The following MAST4 variants were observed in gnomAD, a reference collection of about 807,000 sequenced individuals.
MAST4 encodes the protein microtubule associated serine/threonine kinase family member 4.
In MAST4, 89 loss-of-function variants were observed where a neutral mutation model predicts 162.7. That is an observed-to-expected ratio of 0.55 (90% confidence interval 0.46 to 0.65). The LOEUF is 0.65. MAST4 is among the 30% of genes least tolerant of loss of function. MAST4 has a pLI of 0.00. For synonymous variants in MAST4, 1,479 were observed against 1,361.1 expected (o/e 1.09, Z -1.91); for missense variants, 3,153 against 3,374.0 (o/e 0.93, Z 1.62).
chr5:66,825,093 CT>C (rs1191723113), intron 3 of MAST4, among the ~76,000 whole-genome samples: 1 of 152,028 alleles, frequency 6.6e-6, no homozygotes, highest in Non-Finnish European at 1.5e-5. Context: ...TTACTGTAAC[CT>C]TTTTACTTTA....
intron 4 of MAST4, among the ~76,000 whole-genome samples, chr5:67,017,685 C>A (rs1753475085): frequency 6.7e-6 from 1 of 149,612 alleles, no homozygotes; most frequent in African/African-American, 2.5e-5. Flanking sequence ...CTCAGTGCAA[C>A]CTCTGCCTCC....
chr5:66,602,349 G>A (rs1322487692), intron 1 of MAST4, among the ~76,000 whole-genome samples: 2 of 152,142 alleles, frequency 1.3e-5, no homozygotes, highest in African/African-American at 4.8e-5. Flanking sequence ...TCCTAAAGAG[G>A]AAAGGGTCAC....
At chr5:66,907,233 C>T (rs1763430735) in intron 4 of MAST4, among the ~76,000 whole-genome samples, 1 of 145,478 alleles carries the variant, frequency 6.9e-6, no homozygotes. Flanking sequence ...TCCCACTTCA[C>T]AGATAGAATC....
chr5:67,020,320 C>A (rs557197564), intron 4 of MAST4, among the ~76,000 whole-genome samples: 7 of 152,162 alleles, frequency 4.6e-5, no homozygotes, highest in Non-Finnish European at 1.0e-4. Flanking sequence ...GGTTGTTTTA[C>A]AAAATTCTCT....
intron 1 of MAST4, among the ~76,000 whole-genome samples, chr5:66,626,105 A>G (rs909716359): frequency 6.6e-6 from 1 of 151,548 alleles, no homozygotes; most frequent in African/African-American, 2.4e-5. Context: ...ATAGAAGCAG[A>G]GAGGAGAGTG....
At chr5:66,998,043 A>G (rs1487464571) in intron 4 of MAST4, among the ~76,000 whole-genome samples, 1 of 152,230 alleles carries the variant, frequency 6.6e-6, no homozygotes, top group Non-Finnish European at 1.5e-5. Context: ...TTTTAATGGC[A>G]TAATTTTCCA....
chr5:66,872,137 A>G (rs559934499), intron 3 of MAST4, among the ~76,000 whole-genome samples: 2 of 146,860 alleles, frequency 1.4e-5, no homozygotes, highest in African/African-American at 2.5e-5. Context: ...CTGACTGTGT[A>G]TAGGATATAA....
chr5:66,955,978 T>G (rs976578219), intron 4 of MAST4, among the ~76,000 whole-genome samples: 1 of 150,082 alleles, frequency 6.7e-6, no homozygotes, highest in African/African-American at 2.5e-5. Context: ...TAAGGTTTTT[T>G]TTTTTGTTTG....
intron 19 of MAST4, among the ~76,000 whole-genome samples, chr5:67,139,057 A>G (rs368458037): frequency 2.6e-5 from 4 of 152,186 alleles, no homozygotes; most frequent in East Asian, 1.9e-4. Context: ...CAGTTTGAAG[A>G]ACAAATCCCC....
intron 4 of MAST4, among the ~76,000 whole-genome samples, chr5:66,941,414 A>G (rs147553110): frequency 9.9e-5 from 15 of 152,150 alleles, no homozygotes; most frequent in Non-Finnish European, 2.2e-4. Flanking sequence ...TGGTATGGAG[A>G]TGGCGTCTTT....
chr5:67,045,374 A>G (rs1358865875), intron 4 of MAST4, among the ~76,000 whole-genome samples: 1 of 152,262 alleles, frequency 6.6e-6, no homozygotes, highest in African/African-American at 2.4e-5. Context: ...ACGTGCTAAT[A>G]CTATGACATC....
chr5:67,158,520 G>A (rs988143665), intron 26 of MAST4, among the ~76,000 whole-genome samples: 10 of 151,828 alleles, frequency 6.6e-5, no homozygotes, highest in Non-Finnish European at 1.3e-4. Context: ...GTGGTGAGCT[G>A]TGATCACACC....
Position 66,970,902 on chromosome 5 carries a change from G to C in MAST4, c.674+70920G>C, listed in dbSNP as rs80189844. On this transcript the variant is annotated intron_variant, in intron 4 of 28. Transcript: ENST00000403625. ...ATCTCAGTTTGCCCAGATGCGGATTGATGTATGCCTTTTTTTCCAGTGTGA... is the reference window on the plus strand; with the variant it reads ...ATCTCAGTTTGCCCAGATGCGGATTCATGTATGCCTTTTTTTCCAGTGTGA... Among the ~76,000 whole-genome samples the C allele has an allele frequency of 7.5e-3, 1,144 of 152,288 alleles. 12 individuals carry two copies. The highest frequency in any genetic ancestry group is 0.026 in the African/African-American group (1,091 of 41,546).
At chr5:66,891,720 A>G (rs985136024) in intron 3 of MAST4, among the ~76,000 whole-genome samples, 4 of 151,984 alleles carry the variant, frequency 2.6e-5, no homozygotes, top group African/African-American at 9.7e-5. Flanking sequence ...CCCCTTTCTC[A>G]CCTACTCCCA....
At chr5:66,935,002 A>G (rs368957676) in intron 4 of MAST4, among the ~76,000 whole-genome samples, 43 of 152,310 alleles carry the variant, frequency 2.8e-4, no homozygotes, top group African/African-American at 9.4e-4. Flanking sequence ...ATGTCTTCCA[A>G]TCTAGTTCTG....
At chr5:67,096,817 T>C (rs371713548) in intron 7 of MAST4, among the ~76,000 whole-genome samples, 1 of 152,334 alleles carries the variant, frequency 6.6e-6, no homozygotes, top group Admixed American at 6.5e-5. Context: ...TGTTGTGATA[T>C]ATGAGTCTAT....
chr5:66,627,297 T>G (rs1487638162), intron 1 of MAST4, among the ~76,000 whole-genome samples: 1 of 152,156 alleles, frequency 6.6e-6, no homozygotes, highest in African/African-American at 2.4e-5. Flanking sequence ...CATTCTTCAG[T>G]TACCTCCCAC....
At chr5:66,798,282 T>C (rs1168942754) in intron 3 of MAST4, among the ~76,000 whole-genome samples, 3 of 152,176 alleles carry the variant, frequency 2.0e-5, no homozygotes, top group African/African-American at 7.2e-5. Flanking sequence ...ACTAAATCTT[T>C]TATTGTTCAG....
At chr5:66,973,239 A>G (rs147588434) in intron 4 of MAST4, among the ~76,000 whole-genome samples, 1 of 151,768 alleles carries the variant, frequency 6.6e-6, no homozygotes, top group African/African-American at 2.4e-5. Flanking sequence ...ACATCATTAT[A>G]TGGGCTATGT....
Sources: allele counts gnomAD v4.1 joint callset (sites outside exome capture counted in the v4.1 genomes callset), GRCh38; gene constraint gnomAD v4.1.1; transcripts MANE v1.5; gene names NCBI Gene and HGNC (gene_info 2026-07-23, HGNC 2026-07-21).